CFAP20DC: variants seen among roughly 807,000 people sequenced by gnomAD.
The protein encoded by CFAP20DC is CFAP20 domain containing, also known as protein CFAP20DC.
In CFAP20DC, 84 loss-of-function variants were observed where a neutral mutation model predicts 101.7. The observed-to-expected ratio is 0.83, with a 90% confidence interval of 0.69 to 0.99. The LOEUF is 0.99. Ranked by LOEUF, CFAP20DC falls within the 50% of genes least tolerant of loss-of-function variation. The pLI is 0.00. For synonymous variants in CFAP20DC, 359 were observed against 351.2 expected (o/e 1.02, Z -0.25); for missense variants, 1,007 against 970.3 (o/e 1.04, Z -0.50).
intron 4 of CFAP20DC, among the ~76,000 whole-genome samples, chr3:58,941,046 C>T (rs1194614012): frequency 1.3e-5 from 2 of 151,938 alleles, no homozygotes; most frequent in Admixed American, 1.3e-4. Context: ...TTTCATTTCC[C>T]AGGGCCAGGC....
intron 15 of CFAP20DC, among the ~76,000 whole-genome samples, chr3:58,783,320 A>C (rs2072012197): frequency 1.3e-5 from 2 of 152,120 alleles, no homozygotes; most frequent in South Asian, 4.1e-4. Flanking sequence ...CTGAAAACAT[A>C]AAACTGGTAG....
chr3:58,957,971 T>C (rs1197785258), intron 4 of CFAP20DC, among the ~76,000 whole-genome samples: 3 of 152,150 alleles, frequency 2.0e-5, no homozygotes, highest in Non-Finnish European at 2.9e-5. Context: ...AATAATTTAA[T>C]TGTACATTTA....
intron 3 of CFAP20DC, among the ~76,000 whole-genome samples, chr3:58,723,150 A>G (rs1159489947): frequency 1.3e-5 from 2 of 152,270 alleles, no homozygotes; most frequent in Non-Finnish European, 2.9e-5. Flanking sequence ...CACAATAATA[A>G]ATACTTACCA....
chr3:58,860,702 T>C (rs2079174629), intron 12 of CFAP20DC, among the ~76,000 whole-genome samples: 1 of 152,182 alleles, frequency 6.6e-6, no homozygotes, highest in South Asian at 2.1e-4. Flanking sequence ...AAACCAGGTG[T>C]ATACACTAGA....
At chr3:58,878,899 T>C (rs2080995913) in intron 7 of CFAP20DC, among the ~76,000 whole-genome samples, 1 of 151,926 alleles carries the variant, frequency 6.6e-6, no homozygotes, top group East Asian at 1.9e-4. Flanking sequence ...TCCCAGCTAC[T>C]CAGGAGGCTG....
chr3:58,838,791 A>C (rs1033807174), intron 13 of CFAP20DC, among the ~76,000 whole-genome samples: 1 of 152,170 alleles, frequency 6.6e-6, no homozygotes, highest in African/African-American at 2.4e-5. Flanking sequence ...TCCCGCACCT[A>C]TCTTCTGAGT....
chr3:58,943,927 A>G lies in CFAP20DC; in HGVS notation c.279-6165T>C, dbSNP rs2088985480. Among the ~76,000 whole-genome samples the G allele has an allele frequency of 1.3e-5, 2 of 152,136 alleles. 1 individual carries two copies. The highest frequency in any genetic ancestry group is 4.1e-4 in the South Asian group (2 of 4,822). On this transcript the variant is annotated intron_variant, in intron 4 of 16. Coordinates refer to ENST00000482387, the MANE Select transcript of CFAP20DC (RefSeq NM_001394063.1). ...ACAGCACAAGAATGTTGTGAAGCAT[A>G]CGCAAGTATCAATAGCCGAATCAAT...
intron 7 of CFAP20DC, among the ~76,000 whole-genome samples, chr3:58,883,564 C>T (rs2081377748): frequency 6.6e-6 from 1 of 152,110 alleles, no homozygotes; most frequent in Non-Finnish European, 1.5e-5. Context: ...AACCTCACAT[C>T]TATTTATTTA....
intron 7 of CFAP20DC, among the ~76,000 whole-genome samples, 171 bp downstream of exon 7, chr3:58,884,374 C>T (rs1249453206): frequency 1.3e-5 from 2 of 152,138 alleles, no homozygotes; most frequent in African/African-American, 2.4e-5. Flanking sequence ...ATCCTCCTGG[C>T]CTTGTTAGTA....
chr3:58,865,370 T>C (rs1017492746), intron 11 of CFAP20DC, among the ~76,000 whole-genome samples: 5 of 152,226 alleles, frequency 3.3e-5, no homozygotes, highest in Admixed American at 6.5e-5. Context: ...CGGCTACCAT[T>C]ACATAACATA....
At chr3:59,004,620 C>T (rs9828853) in intron 4 of CFAP20DC, among the ~76,000 whole-genome samples, 35,272 of 151,852 alleles carry the variant, frequency 0.23, 4,606 homozygotes, top group African/African-American at 0.36. Context: ...AATTAGAAGT[C>T]GTCATTAAAA....
At chr3:58,910,541 A>T (rs2084045190) in intron 6 of CFAP20DC, among the ~76,000 whole-genome samples, 1 of 152,032 alleles carries the variant, frequency 6.6e-6, no homozygotes, top group Non-Finnish European at 1.5e-5. Context: ...AGTTTAAAGG[A>T]TCTTCTCTTT....
At chr3:58,982,880 A>G (rs2092620004) in intron 4 of CFAP20DC, among the ~76,000 whole-genome samples, 1 of 152,148 alleles carries the variant, frequency 6.6e-6, no homozygotes, top group African/African-American at 2.4e-5. Context: ...AAAAGTTTCT[A>G]GAATCAATTC....
At chr3:59,034,566 T>G (rs1031396665) in intron 4 of CFAP20DC, among the ~76,000 whole-genome samples, 2 of 151,810 alleles carry the variant, frequency 1.3e-5, no homozygotes, top group Non-Finnish European at 2.9e-5. Context: ...TAAAACAGAC[T>G]TTAAACTATC....
intron 15 of CFAP20DC, among the ~76,000 whole-genome samples, chr3:58,758,482 G>T (rs2069171674): frequency 6.6e-6 from 1 of 151,912 alleles, no homozygotes; most frequent in African/African-American, 2.4e-5. Context: ...TTCCATACTT[G>T]CCCCTTGGAC....
At position 58,845,390 on chromosome 3, in the gene CFAP20DC, C is replaced by T. The variant is rs369214013; in HGVS notation, c.1971+3642G>A. On this transcript the variant is annotated intron_variant, in intron 13 of 16. Coordinates refer to ENST00000482387, the MANE Select transcript of CFAP20DC (RefSeq NM_001394063.1). ...TCAGGGAATACTACAAACAACTCTACGCAAATAAACTAGAAAATCTAGAAG... is the reference window on the plus strand; with the variant it reads ...TCAGGGAATACTACAAACAACTCTATGCAAATAAACTAGAAAATCTAGAAG... Among the ~76,000 whole-genome samples, 226 of 152,176 alleles carry T rather than the reference C, an allele frequency of 1.5e-3. 2 individuals carry two copies. The highest frequency in any genetic ancestry group is 0.01 in the East Asian group (52 of 5,168).
intron 4 of CFAP20DC, among the ~76,000 whole-genome samples, chr3:59,016,842 C>T (rs2093699379): frequency 6.6e-6 from 1 of 152,012 alleles, no homozygotes; most frequent in African/African-American, 2.4e-5. Flanking sequence ...CTTAATAAAA[C>T]AACAACAGAA....
chr3:58,831,739 T>G lies in CFAP20DC; in HGVS notation c.2122A>C (p.Ser708Arg). The G allele has an allele frequency of 6.2e-7, 1 of 1,614,072 alleles. No individual in the cohort carries two copies. Among genetic ancestry groups the G allele is most frequent in the Non-Finnish European group, 8.5e-7 (1 of 1,179,978 alleles). ...GTGTCGTCACTGCTGGTACTTATGCTGACATTACAGTTGTCCACCTGGGAG... is the reference window on the plus strand; with the variant it reads ...GTGTCGTCACTGCTGGTACTTATGCGGACATTACAGTTGTCCACCTGGGAG... ...SASQVDNCNV[S>R]ISTSSDDTTT... The change falls in exon 14 of 17, where the codon AGC becomes CGC. Residue 708 changes from serine (S) to arginine (R), a missense_variant. Physicochemically the swap from Ser to Arg is moderately radical, Grantham distance 110. Transcript: ENST00000482387.
At chr3:58,990,040 G>T (rs1184759814) in intron 4 of CFAP20DC, among the ~76,000 whole-genome samples, 2 of 152,100 alleles carry the variant, frequency 1.3e-5, no homozygotes, top group Admixed American at 6.6e-5. Context: ...TGCCTAAGAG[G>T]TGCCTGCAAT....
Sources: allele counts gnomAD v4.1 joint callset (sites outside exome capture counted in the v4.1 genomes callset), GRCh38; gene constraint gnomAD v4.1.1; transcripts MANE v1.5; gene names NCBI Gene and HGNC (gene_info 2026-07-23, HGNC 2026-07-21).